The following CDH18 variants were observed in gnomAD, a reference collection of about 807,000 sequenced individuals.
CDH18 encodes cadherin-18.
Under a neutral mutation model 67.9 loss-of-function variants are expected in CDH18, and 31 were observed. The ratio of observed to expected loss-of-function variants is 0.46; its 90% CI spans 0.34 to 0.62. The LOEUF (loss-of-function observed/expected upper bound fraction) is 0.62. Ranked by LOEUF, CDH18 falls within the 20% of genes least tolerant of loss-of-function variation. The probability of loss-of-function intolerance (pLI) is 0.01; values close to 1 mark genes in which losing one functional copy is unlikely to be tolerated. For synonymous variants in CDH18, 362 were observed against 347.2 expected (o/e 1.04, Z -0.48); for missense variants, 890 against 975.5 (o/e 0.91, Z 1.17).
Position 20,502,934 on chromosome 5 carries a change from A to G in CDH18, c.-580+72528T>C, listed in dbSNP as rs147150889. Among the ~76,000 whole-genome samples the G allele has an allele frequency of 7.6e-4, 116 of 152,304 alleles. 1 individual carries two copies. The highest frequency in any genetic ancestry group is 3.4e-3 in the Middle Eastern group (1 of 292). ...AGGCACCTCAATGAAAACATTAACT[A>G]TACAATTAAACTTAATATGAATAAA... On this transcript the variant is annotated intron_variant, in intron 1 of 14. Coordinates refer to the CDH18 transcript ENST00000507958.
At chr5:19,810,190 C>T (rs1042057743) in intron 3 of CDH18, among the ~76,000 whole-genome samples, 2 of 151,842 alleles carry the variant, frequency 1.3e-5, no homozygotes, top group Admixed American at 1.3e-4. Flanking sequence ...ATTAGCCAGA[C>T]ATGATGGCGC....
chr5:19,691,903 T>A (rs1426654172), intron 5 of CDH18, among the ~76,000 whole-genome samples: 1 of 151,644 alleles, frequency 6.6e-6, no homozygotes, highest in Non-Finnish European at 1.5e-5. Flanking sequence ...TGGAACCATA[T>A]AAGAGGCCAA....
intron 1 of CDH18, among the ~76,000 whole-genome samples, chr5:20,405,197 C>A (rs552853553): frequency 2.2e-4 from 33 of 152,110 alleles, no homozygotes; most frequent in Admixed American, 2.2e-3. Context: ...TACTACAAGG[C>A]TACAGTAACC....
intron 1 of CDH18, among the ~76,000 whole-genome samples, chr5:20,261,403 AAATAC>A (rs1744639295): frequency 1.3e-5 from 2 of 152,184 alleles, no homozygotes; most frequent in Admixed American, 6.5e-5. Context: ...TCCTTTATTT[AAATAC>A]TTGAAATGTA....
At chr5:19,684,768 A>G (rs1055714791) in intron 5 of CDH18, among the ~76,000 whole-genome samples, 3 of 152,074 alleles carry the variant, frequency 2.0e-5, no homozygotes, top group African/African-American at 7.2e-5. Context: ...CTTAAAGAAT[A>G]AATAATATTT....
Position 19,839,714 on chromosome 5 carries a change from T to C in CDH18, c.-256-472A>G, listed in dbSNP as rs1241632568. ...ATTACTCCAGGTTTGGGGAACAGATTGGTAAAGTTGGGTGTGAGTGACAAT... is the reference window on the plus strand; with the variant it reads ...ATTACTCCAGGTTTGGGGAACAGATCGGTAAAGTTGGGTGTGAGTGACAAT... On this transcript the variant is annotated intron_variant, in intron 2 of 12. Coordinates refer to ENST00000382275, the MANE Select transcript of CDH18 (RefSeq NM_004934.5). Among the ~76,000 whole-genome samples, 4 of 152,054 alleles carry C rather than the reference T, an allele frequency of 2.6e-5. No homozygotes were observed. In the South Asian group the frequency reaches 6.2e-4, roughly 24 times the overall value.
At chr5:20,548,702 A>G (rs1757475925) in intron 1 of CDH18, among the ~76,000 whole-genome samples, 1 of 152,190 alleles carries the variant, frequency 6.6e-6, no homozygotes, top group Non-Finnish European at 1.5e-5. Context: ...AGTGGGTTCA[A>G]CAAATCTGCC....
chr5:19,864,652 C>A (rs1948633), intron 2 of CDH18, among the ~76,000 whole-genome samples: 43,876 of 152,052 alleles, frequency 0.29, 7,719 homozygotes, highest in South Asian at 0.39. Context: ...CCTGGTCACA[C>A]ATGTGCAAAT....
chr5:20,189,975 G>A (rs549112478), intron 2 of CDH18, among the ~76,000 whole-genome samples: 2 of 152,220 alleles, frequency 1.3e-5, no homozygotes, highest in Non-Finnish European at 2.9e-5. Flanking sequence ...GACAAGGATT[G>A]AGATGCAGCA....
At chr5:20,009,093 T>C in intron 2 of CDH18, among the ~76,000 whole-genome samples, 1 of 152,108 alleles carries the variant, frequency 6.6e-6, no homozygotes, top group East Asian at 1.9e-4. Flanking sequence ...GAACTTGTTC[T>C]TACTTGATAA....
chr5:20,157,561 T>A (rs1751630593), intron 2 of CDH18, among the ~76,000 whole-genome samples: 1 of 152,158 alleles, frequency 6.6e-6, no homozygotes, highest in Non-Finnish European at 1.5e-5. Context: ...CAAATATTAA[T>A]AATTACATTT....
chr5:20,089,105 G>GA (rs201525774), intron 2 of CDH18, among the ~76,000 whole-genome samples: 2,724 of 152,078 alleles, frequency 0.018, 84 homozygotes, highest in African/African-American at 0.063. Flanking sequence ...AAGATCTTCT[G>GA]AAAAAATAAT....
intron 1 of CDH18, among the ~76,000 whole-genome samples, chr5:20,464,665 C>A (rs552108141): frequency 6.6e-6 from 1 of 152,204 alleles, no homozygotes; most frequent in South Asian, 2.1e-4. Flanking sequence ...ACTTGTGAGA[C>A]ATCTATATTC....
intron 9 of CDH18, among the ~76,000 whole-genome samples, chr5:19,521,343 A>G (rs558751412): frequency 4.6e-5 from 7 of 152,252 alleles, no homozygotes; most frequent in Non-Finnish European, 7.4e-5. Flanking sequence ...TTTACATGTA[A>G]CTCTCGTAGA....
chr5:20,373,262 C>T (rs546896338), intron 1 of CDH18, among the ~76,000 whole-genome samples: 5 of 152,306 alleles, frequency 3.3e-5, no homozygotes, highest in Admixed American at 3.3e-4. Flanking sequence ...ACCTATGTCA[C>T]AGACCCTAAC....
intron 1 of CDH18, among the ~76,000 whole-genome samples, chr5:20,395,288 C>T (rs1745196661): frequency 6.6e-6 from 1 of 152,124 alleles, no homozygotes; most frequent in South Asian, 2.1e-4. Flanking sequence ...ATACCTTTTG[C>T]AGCAATTTGA....
intron 2 of CDH18, among the ~76,000 whole-genome samples, chr5:20,190,970 C>A (rs1446947031): frequency 6.6e-6 from 1 of 152,112 alleles, no homozygotes; most frequent in Non-Finnish European, 1.5e-5. Context: ...CATATGTCTA[C>A]CTTTGCACTT....
At chr5:20,334,621 T>C (rs915449879) in intron 1 of CDH18, among the ~76,000 whole-genome samples, 4 of 152,260 alleles carry the variant, frequency 2.6e-5, no homozygotes, top group Admixed American at 1.3e-4. Flanking sequence ...CAACTGTTTA[T>C]GGGGTGAAAG....
intron 2 of CDH18, among the ~76,000 whole-genome samples, chr5:20,047,059 G>C (rs2150482971): frequency 6.6e-6 from 1 of 152,006 alleles, no homozygotes; most frequent in African/African-American, 2.4e-5. Context: ...AGTTGATGGA[G>C]CAGTGTTTGG....
Sources: allele counts gnomAD v4.1 joint callset (sites outside exome capture counted in the v4.1 genomes callset), GRCh38; gene constraint gnomAD v4.1.1; transcripts MANE v1.5; gene names NCBI Gene and HGNC (gene_info 2026-07-23, HGNC 2026-07-21).